TARS3: variants seen among roughly 807,000 people sequenced by gnomAD.
TARS3 encodes the protein threonyl-tRNA synthetase 3, also known as threonine--tRNA ligase 2, cytoplasmic.
A neutral mutation model predicts 103.5 loss-of-function variants in TARS3; 94 were observed. The ratio of observed to expected loss-of-function variants is 0.91; its 90% CI spans 0.77 to 1.08. The LOEUF (loss-of-function observed/expected upper bound fraction) is 1.08. Ranked by LOEUF, TARS3 falls within the 50% of genes least tolerant of loss-of-function variation. The probability of loss-of-function intolerance (pLI) is 0.00; values close to 1 mark genes in which losing one functional copy is unlikely to be tolerated. For missense variants in TARS3, 952 were observed against 995.2 expected, an observed-to-expected ratio of 0.96 and a Z score of 0.58; for synonymous variants, 416 against 355.4, an observed-to-expected ratio of 1.17 and a Z score of -1.92.
intron 18 of TARS3, among the ~76,000 whole-genome samples, chr15:101,655,629 C>T (rs1555480585): frequency 6.8e-6 from 1 of 146,304 alleles, no homozygotes; most frequent in Non-Finnish European, 1.5e-5. Context: ...AGTGACTCCA[C>T]CTGGCACTAG....
At chr15:101,706,509 T>C (rs1899571501) in intron 6 of TARS3, among the ~76,000 whole-genome samples, 1 of 152,244 alleles carries the variant, frequency 6.6e-6, no homozygotes, top group Admixed American at 6.5e-5. Context: ...AGGTTACACA[T>C]GTAGCTCAGA....
intron 15 of TARS3, among the ~76,000 whole-genome samples, chr15:101,670,272 C>A (rs570652047): frequency 1.3e-5 from 2 of 152,140 alleles, no homozygotes; most frequent in African/African-American, 4.8e-5. Context: ...TCATATATTC[C>A]TCCAAGGGCT....
At chr15:101,686,142 T>C (rs1898466363) in intron 10 of TARS3, 80 bp from the exon 11 acceptor site, 2 of 1,310,358 alleles carry the variant, frequency 1.5e-6, no homozygotes, top group Non-Finnish European at 2.1e-6. Flanking sequence ...TGAGCAAATA[T>C]TTTCAAATTG....
At chr15:101,721,944 T>A (rs1168958721) in intron 2 of TARS3, among the ~76,000 whole-genome samples, 2 of 152,264 alleles carry the variant, frequency 1.3e-5, no homozygotes, top group Non-Finnish European at 2.9e-5. Context: ...ATAGGCTTTA[T>A]GTTAGAGGAT....
intron 15 of TARS3, among the ~76,000 whole-genome samples, chr15:101,669,738 C>G (rs1480264446): frequency 6.6e-6 from 1 of 152,196 alleles, no homozygotes; most frequent in African/African-American, 2.4e-5. Context: ...AAGCAATAGT[C>G]TAGACCATAT....
At chr15:101,710,281 T>C (rs185481068) in intron 5 of TARS3, among the ~76,000 whole-genome samples, 22 of 152,338 alleles carry the variant, frequency 1.4e-4, no homozygotes, top group Middle Eastern at 6.8e-3. Context: ...TGTTCATCTC[T>C]ATCCTTTGTA....
intron 6 of TARS3, among the ~76,000 whole-genome samples, chr15:101,707,170 TA>T (rs1378331172): frequency 1.1e-4 from 16 of 148,072 alleles, no homozygotes; most frequent in South Asian, 4.3e-4. Flanking sequence ...TGTCCATGAT[TA>T]AAAAAAAAAC....
intron 4 of TARS3, among the ~76,000 whole-genome samples, chr15:101,712,713 A>G (rs1899929807): frequency 6.6e-6 from 1 of 152,246 alleles, no homozygotes; most frequent in Admixed American, 6.5e-5. Context: ...GATAAACTGA[A>G]ATTAACCAAA....
intron 13 of TARS3, 117 bp downstream of exon 13, chr15:101,675,483 A>C: frequency 1.0e-6 from 1 of 974,146 alleles, no homozygotes; most frequent in East Asian, 2.4e-5. Context: ...TCTATCTCAT[A>C]ATTTCCAGGT....
intron 10 of TARS3, among the ~76,000 whole-genome samples, chr15:101,694,615 T>A (rs1345499214): frequency 6.6e-6 from 1 of 152,114 alleles, no homozygotes; most frequent in Non-Finnish European, 1.5e-5. Flanking sequence ...CACAGGCAGA[T>A]AGACTGAAAA....
chr15:101,712,551 A>G (rs1596325784), intron 4 of TARS3, among the ~76,000 whole-genome samples: 1 of 152,272 alleles, frequency 6.6e-6, no homozygotes, highest in East Asian at 1.9e-4. Flanking sequence ...GGAAGAAAAA[A>G]GTGTTGCCAG....
intron 5 of TARS3, among the ~76,000 whole-genome samples, chr15:101,709,119 T>C (rs552787579): frequency 1.6e-4 from 24 of 152,330 alleles, no homozygotes; most frequent in Admixed American, 1.3e-3. Context: ...GCCTCATTTC[T>C]CCTCTGCTGC....
At chr15:101,694,941 G>T (rs1898895763) in intron 10 of TARS3, among the ~76,000 whole-genome samples, 1 of 152,168 alleles carries the variant, frequency 6.6e-6, no homozygotes, top group South Asian at 2.1e-4. Context: ...ATTAAGTGTA[G>T]GATGATGACA....
chr15:101,661,443 C>T (rs767886180), intron 16 of TARS3, among the ~76,000 whole-genome samples: 5 of 151,106 alleles, frequency 3.3e-5, no homozygotes, highest in East Asian at 1.9e-4. Context: ...TTAATTCTAC[C>T]GAGTCCCCCA....
At chr15:101,690,279 G>A (rs1898657600) in intron 10 of TARS3, among the ~76,000 whole-genome samples, 2 of 152,272 alleles carry the variant, frequency 1.3e-5, no homozygotes, top group South Asian at 4.1e-4. Context: ...CTCCGCACAA[G>A]GCTTACTTGC....
Position 101,663,194 on chromosome 15 carries a change from A to T in TARS3, c.1968-1378T>A, listed in dbSNP as rs188134148. 4.6e-3 allele frequency among the ~76,000 whole-genome samples: 704 copies of T among 151,986 alleles called. 6 individuals carry two copies. The highest frequency in any genetic ancestry group is 0.013 in the African/African-American group (552 of 41,466). Reference sequence around the variant, plus strand: ...CGAGATTATAAAGAAGCTGAAAAAAATTTTTTTTTAAATTATACTTTAAGT... The same window carrying T: ...CGAGATTATAAAGAAGCTGAAAAAATTTTTTTTTTAAATTATACTTTAAGT... On this transcript the variant is annotated intron_variant, in intron 15 of 18. Transcript: ENST00000335968.
At chr15:101,671,284 T>C (rs568156293) in intron 15 of TARS3, among the ~76,000 whole-genome samples, 1 of 152,318 alleles carries the variant, frequency 6.6e-6, no homozygotes, top group East Asian at 1.9e-4. Flanking sequence ...TCTACTCTCA[T>C]GTTTACTTAT....
chr15:101,716,174 A>G (rs1567358362), intron 3 of TARS3, among the ~76,000 whole-genome samples: 1 of 151,888 alleles, frequency 6.6e-6, no homozygotes, highest in Non-Finnish European at 1.5e-5. Flanking sequence ...AGGCCACCAC[A>G]CTCAGCTAAC....
chr15:101,686,099 G>A, intron 10 of TARS3, 37 bp from the exon 11 acceptor site: 2 of 1,539,706 alleles, frequency 1.3e-6, no homozygotes, highest in Non-Finnish European at 8.8e-7. Flanking sequence ...AAATCTGCTA[G>A]GGCAGATCAC....
Sources: gnomAD v4.1 joint callset for allele counts (sites outside exome capture counted in the v4.1 genomes callset) on GRCh38, gnomAD v4.1.1 for gene constraint, MANE v1.5 for transcripts, NCBI Gene and HGNC (gene_info 2026-07-23, HGNC 2026-07-21) for gene names.